CHD6: variants seen among roughly 807,000 people sequenced by gnomAD.
CHD6 encodes chromodomain helicase DNA binding protein 6, also known as ATP-dependent chromatin remodeler CHD6.
A neutral mutation model predicts 276.9 loss-of-function variants in CHD6; 50 were observed. The ratio of observed to expected loss-of-function variants is 0.18; its 90% CI spans 0.14 to 0.23. The LOEUF (loss-of-function observed/expected upper bound fraction) is 0.23, where lower values mean the gene tolerates loss of function less well. CHD6 is among the 10% of genes least tolerant of loss of function. The pLI, the probability that CHD6 is intolerant of heterozygous loss-of-function variation, is 1.00. For missense variants in CHD6, 2,564 were observed against 3,365.8 expected (o/e 0.76, Z 5.89); for synonymous variants, 1,173 against 1,229.3 (o/e 0.95, Z 0.96).
At position 41,403,757 on chromosome 20, in the gene CHD6, C is replaced by T. The variant is rs551019680; in HGVS notation, c.*836G>A. On this transcript the variant is annotated 3_prime_UTR_variant, in exon 37 of 37. Coordinates refer to ENST00000373233, the MANE Select transcript of CHD6 (RefSeq NM_032221.5). ...ATTAATGGCTAGAGAAATCTGTAAG[C>T]GAACCAGGTGAGAGCAGAGCGCTAG... The T allele has an allele frequency of 1.7e-5, 18 of 1,057,228 alleles. No individual in the cohort carries two copies. The highest frequency in any genetic ancestry group is 1.2e-4 in the African/African-American group (7 of 60,712). 65.5% of individuals were successfully genotyped at this position (1,057,228 alleles called of 1,614,324 possible). A position where few individuals can be genotyped will look rare whatever the true frequency, so the allele number is the denominator to read the frequency against.
chr20:41,546,855 T>C (rs1291787596), intron 2 of CHD6, among the ~76,000 whole-genome samples: 1 of 152,236 alleles, frequency 6.6e-6, no homozygotes, highest in African/African-American at 2.4e-5. Context: ...AAATCTGTTT[T>C]TCTCACAACG....
intron 27 of CHD6, among the ~76,000 whole-genome samples, chr20:41,428,648 G>A (rs1187239977): frequency 6.6e-6 from 1 of 152,096 alleles, no homozygotes; most frequent in Non-Finnish European, 1.5e-5. Flanking sequence ...TTCTTCTTTT[G>A]CAAAATGGAG....
chr20:41,452,841 G>A lies in CHD6; in HGVS notation c.3222C>T (p.Asp1074=). 1 of 1,613,334 alleles carries A rather than the reference G, an allele frequency of 6.2e-7. No individual in the cohort carries two copies. Among genetic ancestry groups the A allele is most frequent in the Non-Finnish European group, 8.5e-7 (1 of 1,179,912 alleles). The change falls in exon 21 of 37, where the codon GAC becomes GAT. Residue 1074 remains aspartate (D), a synonymous_variant. Transcript: ENST00000373233. The surrounding 1 kb of genome is among the most constrained non-coding windows in gnomAD (Gnocchi z 4.2). The part of the protein sequence containing the change: ...ELMEFSELDS[D]SDERPTRSRR... Reference sequence around the variant, plus strand: ...TGGATCTCGTGGGCCTTTCGTCTGAGTCGCTGTCTAACTCTGAAAACTCCA... The same window carrying A: ...TGGATCTCGTGGGCCTTTCGTCTGAATCGCTGTCTAACTCTGAAAACTCCA...
intron 3 of CHD6, among the ~76,000 whole-genome samples, chr20:41,528,398 G>A (rs1269171968): frequency 2.6e-5 from 4 of 152,052 alleles, no homozygotes; most frequent in Admixed American, 1.3e-4. Flanking sequence ...TTAGGCAAGT[G>A]GCTCCAATCC....
intron 1 of CHD6, among the ~76,000 whole-genome samples, chr20:41,607,283 C>T (rs2045839472): frequency 6.6e-6 from 1 of 152,202 alleles, no homozygotes; most frequent in Non-Finnish European, 1.5e-5. Flanking sequence ...AACCTACTCC[C>T]CTGGCTTAAC....
rs750501040 is a variant in CHD6 at position 41,484,586 on chromosome 20, G to A, written c.2023C>T (p.Leu675=). The change falls in exon 15 of 37, where the codon CTA becomes TTA. Residue 675 remains leucine (L), a synonymous_variant. Coordinates refer to ENST00000373233, the MANE Select transcript of CHD6 (RefSeq NM_032221.5). ...AGCCGCCGAAGCATCATTGGTTTTAGGATAGACTGCAGTTTCTTTACCTGT... is the reference window on the plus strand; with the variant it reads ...AGCCGCCGAAGCATCATTGGTTTTAAGATAGACTGCAGTTTCTTTACCTGT... ...EEQVKKLQSI[L]KPMMLRRLKD... 1 of 1,613,756 alleles carries A rather than the reference G, an allele frequency of 6.2e-7. No homozygotes were observed.
intron 1 of CHD6, among the ~76,000 whole-genome samples, chr20:41,577,699 T>C (rs538223022): frequency 6.6e-6 from 1 of 152,236 alleles, no homozygotes; most frequent in African/African-American, 2.4e-5. Context: ...GTATGTTGAA[T>C]AAACAGATTA....
chr20:41,429,920 C>T lies in CHD6; in HGVS notation c.4069-3767G>A, dbSNP rs114749209. On this transcript the variant is annotated intron_variant, in intron 27 of 36. Transcript: ENST00000373233. ...GCTAAGACTCTACCAATCTACTAAA[C>T]GGTTGCCTTTCTATGCCTAGGTCTG... Among the ~76,000 whole-genome samples the T allele has an allele frequency of 4.5e-3, 680 of 152,336 alleles. 5 individuals carry two copies. The highest frequency in any genetic ancestry group is 0.016 in the African/African-American group (647 of 41,566).
intron 3 of CHD6, among the ~76,000 whole-genome samples, chr20:41,515,206 T>C (rs1375345649): frequency 6.6e-6 from 1 of 152,128 alleles, no homozygotes; most frequent in Non-Finnish European, 1.5e-5. Context: ...AATATGAACA[T>C]CTCCAAAAAC....
At chr20:41,459,643 C>T (rs934895985) in intron 17 of CHD6, among the ~76,000 whole-genome samples, 1 of 152,230 alleles carries the variant, frequency 6.6e-6, no homozygotes, top group African/African-American at 2.4e-5. Flanking sequence ...GCTTCTTCCT[C>T]ATTTTTCTCT....
At chr20:41,575,104 T>C (rs1380391595) in intron 1 of CHD6, among the ~76,000 whole-genome samples, 1 of 152,208 alleles carries the variant, frequency 6.6e-6, no homozygotes, top group African/African-American at 2.4e-5. Flanking sequence ...CTACTTCATT[T>C]ACATAGCGTG....
intron 1 of CHD6, among the ~76,000 whole-genome samples, chr20:41,604,016 A>C (rs1601188643): frequency 4.1e-5 from 1 of 24,300 alleles, no homozygotes; most frequent in East Asian, 1.2e-3. Flanking sequence ...TTGTATAGGA[A>C]GGGTGGGGGT....
intron 2 of CHD6, among the ~76,000 whole-genome samples, chr20:41,549,692 G>A (rs2045115201): frequency 1.3e-5 from 2 of 150,394 alleles, no homozygotes; most frequent in African/African-American, 2.4e-5. Flanking sequence ...AAAAAAAAAA[G>A]CTTATCTTAA....
chr20:41,509,559 AAAG>A (rs1236855651), intron 5 of CHD6, among the ~76,000 whole-genome samples: 4 of 152,200 alleles, frequency 2.6e-5, no homozygotes, highest in Non-Finnish European at 5.9e-5. Flanking sequence ...AAGGCCTATC[AAAG>A]AAGAGTACAC....
chr20:41,585,693 G>A (rs577846925), intron 1 of CHD6, among the ~76,000 whole-genome samples: 2 of 152,218 alleles, frequency 1.3e-5, no homozygotes, highest in South Asian at 4.2e-4. Context: ...TTCCAGAAAA[G>A]AGAAAAGGAG....
chr20:41,518,415 G>C (rs569431172), intron 3 of CHD6, among the ~76,000 whole-genome samples: 1 of 152,104 alleles, frequency 6.6e-6, no homozygotes, highest in Non-Finnish European at 1.5e-5. Flanking sequence ...ACTTCACTAG[G>C]AGACTTGTGT....
rs1039971830 is a variant in CHD6, at chr20:41,548,883, C to A, written c.33+2422G>T. On this transcript the variant is annotated intron_variant, in intron 2 of 36. Transcript: ENST00000373233. ...AAGACATTTATGCAGCCAAAAAACA[C>A]ATGAAAAAATGCTCATCATCACTGG... 8.2e-4 allele frequency among the ~76,000 whole-genome samples: 124 copies of A among 151,966 alleles called. 1 individual carries two copies. Among genetic ancestry groups the A allele is most frequent in the African/African-American group, 2.9e-3 (119 of 41,484 alleles).
intron 1 of CHD6, among the ~76,000 whole-genome samples, chr20:41,582,821 T>C (rs1334788728): frequency 6.6e-6 from 1 of 152,192 alleles, no homozygotes; most frequent in Non-Finnish European, 1.5e-5. Context: ...ATGGTATAAT[T>C]TTTTTAAGTC....
intron 27 of CHD6, among the ~76,000 whole-genome samples, chr20:41,431,258 T>G (rs183577129): frequency 6.7e-4 from 102 of 152,362 alleles, no homozygotes; most frequent in African/African-American, 2.4e-3. Context: ...GAAATGCATC[T>G]TTGAAAAATT....
Sources: gnomAD v4.1 joint callset for allele counts (sites outside exome capture counted in the v4.1 genomes callset) on GRCh38, gnomAD v4.1.1 for gene constraint, Gnocchi (gnomAD v3.1) non-coding constraint, MANE v1.5 for transcripts, NCBI Gene and HGNC (gene_info 2026-07-23, HGNC 2026-07-21) for gene names.